ADPRHL1: variants seen among roughly 807,000 people sequenced by gnomAD.
The protein encoded by ADPRHL1 is inactive ADP-ribosyltransferase ARH2.
ADPRHL1 carries 43 observed loss-of-function variants against 44.1 expected under a neutral mutation model. The observed-to-expected ratio is 0.98, with a 90% CI of 0.76 to 1.26. The LOEUF is 1.26. ADPRHL1 is among the 50% of genes most tolerant of loss of function. ADPRHL1 has a pLI of 0.00. For missense variants in ADPRHL1, 2,022 were observed against 2,496.9 expected (o/e 0.81, Z 4.05); for synonymous variants, 878 against 1,017.4 (o/e 0.86, Z 2.61).
chr13:113,420,995 C>T (rs1299321693), intron 7 of ADPRHL1, among the ~76,000 whole-genome samples: 1 of 130,026 alleles, frequency 7.7e-6, no homozygotes, highest in African/African-American at 2.9e-5. Context: ...GGACCGCCAA[C>T]CCCTGGGACA....
At position 113,405,542 on chromosome 13, in the gene ADPRHL1, T is replaced by A; in HGVS notation, c.3740A>T (p.Asp1247Val). The A allele has an allele frequency of 8.1e-7, 1 of 1,232,228 alleles. No homozygotes were observed. The highest frequency in any genetic ancestry group is 1.0e-6 in the Non-Finnish European group (1 of 988,342). The allele number at this position is 1,232,228 out of a possible 1,614,324, so 76.3% of individuals were successfully genotyped here. A position where few individuals can be genotyped will look rare whatever the true frequency, so the allele number is the denominator to read the frequency against. The part of the protein sequence containing the change: ...RHTAAVGGRK[D>V]VAVEGNLLGF... ...CAAAAGGTTTCCTTCCACAGCCACA[T>A]CCTTTCTGCCTCCTACAGCTGCTGT... The change falls in exon 8 of 8, where the codon GAT becomes GTT. Residue 1247 changes from aspartate to valine, a missense_variant. By Grantham distance (152) the Asp-to-Val change is radical (BLOSUM62 -3). Around this residue, in one of 8 missense-constraint regions of ADPRHL1, gnomAD observed 1,221 missense variants for 1,517.8 expected, o/e 0.80. Coordinates refer to ENST00000612156, the MANE Select transcript of ADPRHL1 (RefSeq NM_001394807.1).
At chr13:113,442,316 G>A (rs1365571393) in intron 2 of ADPRHL1, among the ~76,000 whole-genome samples, 3 of 152,306 alleles carry the variant, frequency 2.0e-5, no homozygotes, top group African/African-American at 4.8e-5. Flanking sequence ...ACAGGCAAGC[G>A]TGTTGGCACG....
In ADPRHL1 at chr13:113,409,730, T is replaced by TAA; in HGVS notation, c.1062-1512_1062-1511dup. ...TGAAACCCCGTCTCTACTAAAGATA[T>TAA]AAAAAAAAATCAGCCGGGCGTGGTG... is the stretch of plus-strand genomic sequence containing the variant. On this transcript the variant is annotated intron_variant, in intron 7 of 7. Transcript: ENST00000612156. This position sits in a 1 kb window ranked among gnomAD's most constrained non-coding sequence, Gnocchi z 4.2. 1 of 676,336 alleles carries TAA rather than the reference T, an allele frequency of 1.5e-6. No homozygotes were observed. Among genetic ancestry groups the TAA allele is most frequent in the Non-Finnish European group, 1.8e-6 (1 of 548,798 alleles). 41.9% of individuals were successfully genotyped at this position (676,336 alleles called of 1,614,324 possible).
chr13:113,434,587 C>T (rs1416864748), intron 2 of ADPRHL1, among the ~76,000 whole-genome samples: 4 of 128,170 alleles, frequency 3.1e-5, no homozygotes, highest in East Asian at 2.4e-4. Context: ...AGGTGTACCC[C>T]GGGACCCGGC....
At chr13:113,423,130 G>A (rs2043938891) in intron 6 of ADPRHL1, 151 bp from the exon 7 acceptor site, 6 of 1,084,134 alleles carry the variant, frequency 5.5e-6, no homozygotes, top group East Asian at 5.2e-5. Context: ...GGTGGCTCAC[G>A]CCTGTCATCC....
chr13:113,425,660 C>T (rs1251441878), intron 4 of ADPRHL1, among the ~76,000 whole-genome samples: 2 of 150,766 alleles, frequency 1.3e-5, no homozygotes, highest in African/African-American at 4.9e-5. Context: ...GCGTGAGCCA[C>T]CATGCCCGGC....
chr13:113,424,830 G>A (rs376624729), intron 5 of ADPRHL1, among the ~76,000 whole-genome samples: 14 of 6,996 alleles, frequency 2.0e-3, no homozygotes, highest in Middle Eastern at 0.17. Context: ...CCATTCACCT[G>A]TCCACCCATC....
At chr13:113,451,099 C>A (rs528463925) in intron 1 of ADPRHL1, among the ~76,000 whole-genome samples, 2 of 152,200 alleles carry the variant, frequency 1.3e-5, no homozygotes, top group East Asian at 3.9e-4. Context: ...TGGCCCTGTC[C>A]GGGCATAACA....
At chr13:113,446,359 C>A (rs1234081979) in intron 1 of ADPRHL1, among the ~76,000 whole-genome samples, 1 of 152,282 alleles carries the variant, frequency 6.6e-6, no homozygotes, top group East Asian at 1.9e-4. Flanking sequence ...TGGCTGCAAA[C>A]CCCCGGAGAA....
At chr13:113,417,259 G>A (rs984518748) in intron 7 of ADPRHL1, among the ~76,000 whole-genome samples, 3 of 152,186 alleles carry the variant, frequency 2.0e-5, no homozygotes, top group Non-Finnish European at 4.4e-5. Flanking sequence ...GGTCCCCGCC[G>A]GCACCACCAG....
chr13:113,447,591 C>T (rs1184309186), intron 1 of ADPRHL1, among the ~76,000 whole-genome samples: 1 of 129,358 alleles, frequency 7.7e-6, no homozygotes, highest in African/African-American at 3.6e-5. Flanking sequence ...GGTGTCTACA[C>T]ACATGTTGTC....
intron 7 of ADPRHL1, among the ~76,000 whole-genome samples, chr13:113,414,490 G>C (rs2139606345): frequency 7.0e-6 from 1 of 142,566 alleles, no homozygotes; most frequent in South Asian, 2.4e-4. Flanking sequence ...CTACAGCTCA[G>C]TCCCGGCCTC....
Position 113,409,617 on chromosome 13 carries a change from G to A in ADPRHL1, c.1062-1397C>T, listed in dbSNP as rs1287058630. 3 of 985,226 alleles carry A rather than the reference G, an allele frequency of 3.0e-6. No individual in the cohort carries two copies. The highest frequency in any genetic ancestry group is 3.6e-6 in the Non-Finnish European group (3 of 829,892). 61.0% of individuals were successfully genotyped at this position (985,226 alleles called of 1,614,324 possible). ...TAAGAAGCTGAGGCCGGGCGCCGTG[G>A]CTCACGCCTGTAATCTCAGCGTGAT... On this transcript the variant is annotated intron_variant, in intron 7 of 7. Coordinates refer to ENST00000612156, the MANE Select transcript of ADPRHL1 (RefSeq NM_001394807.1). This position sits in a 1 kb window ranked among gnomAD's most constrained non-coding sequence, Gnocchi z 4.2.
In ADPRHL1 at chr13:113,406,820, G is replaced by T; in HGVS notation, c.2462C>A (p.Pro821Gln). 1 of 1,232,094 alleles carries T rather than the reference G, an allele frequency of 8.1e-7. No individual in the cohort carries two copies. The highest frequency in any genetic ancestry group is 4.1e-5 in the South Asian group (1 of 24,318). 76.3% of individuals were successfully genotyped at this position (1,232,094 alleles called of 1,614,324 possible). A position where few individuals can be genotyped will look rare whatever the true frequency, so the allele number is the denominator to read the frequency against. The change falls in exon 8 of 8, where the codon CCA becomes CAA. Residue 821 changes from proline to glutamine, a missense_variant. Pro to Gln is a moderately conservative substitution (Grantham distance 76). This residue lies in a region of ADPRHL1 where 1,221 missense variants were observed against 1,517.8 expected (regional missense o/e 0.80). Transcript: ENST00000612156. ...CTGGACCGATGGAGCGTTCAGGGGTGGGATGTGCTCCGGCACCTTCTGTTC... is the reference window on the plus strand; with the variant it reads ...CTGGACCGATGGAGCGTTCAGGGGTTGGATGTGCTCCGGCACCTTCTGTTC... ...FPEQKVPEHI[P>Q]PLNAPSVQAA... is the part of the protein sequence containing the mutation.
chr13:113,421,029 C>T (rs1172851677), intron 7 of ADPRHL1, among the ~76,000 whole-genome samples: 1 of 132,710 alleles, frequency 7.5e-6, no homozygotes, highest in Non-Finnish European at 1.6e-5. Flanking sequence ...GACACCCCTA[C>T]CCCCCGCCAA....
intron 1 of ADPRHL1, among the ~76,000 whole-genome samples, chr13:113,448,223 A>C (rs1462955940): frequency 6.6e-6 from 1 of 152,024 alleles, no homozygotes; most frequent in African/African-American, 2.4e-5. Flanking sequence ...GGCCGGGTGC[A>C]GTGGCTCACA....
chr13:113,412,056 G>T (rs1397673253), intron 7 of ADPRHL1, among the ~76,000 whole-genome samples: 1 of 152,182 alleles, frequency 6.6e-6, no homozygotes, highest in African/African-American at 2.4e-5. Context: ...TTCTTCCGGG[G>T]TCTACTCCCG....
chr13:113,440,618 G>A (rs1186409658), intron 2 of ADPRHL1, among the ~76,000 whole-genome samples: 4 of 151,834 alleles, frequency 2.6e-5, no homozygotes, highest in Admixed American at 6.6e-5. Context: ...ACCACACCCA[G>A]CAATTTTTGT....
chr13:113,434,924 G>A (rs78186918), intron 2 of ADPRHL1, among the ~76,000 whole-genome samples: 724 of 61,774 alleles, frequency 0.012, no homozygotes, highest in African/African-American at 0.016. Context: ...GGTGTACCCC[G>A]GGACCCGGCA....
Sources: gnomAD v4.1 joint callset for allele counts (sites outside exome capture counted in the v4.1 genomes callset) on GRCh38, gnomAD v4.1.1 for gene constraint, gnomAD v4.1.1 regional missense constraint, Gnocchi (gnomAD v3.1) non-coding constraint, MANE v1.5 for transcripts, NCBI Gene and HGNC (gene_info 2026-07-23, HGNC 2026-07-21) for gene names.